TIMELESS: variants seen among roughly 807,000 people sequenced by gnomAD.
The protein encoded by TIMELESS is timeless circadian regulator, also known as protein timeless homolog.
A neutral mutation model predicts 164.3 loss-of-function variants in TIMELESS; 124 were observed. The ratio of observed to expected loss-of-function variants is 0.75; its 90% CI spans 0.65 to 0.88. The LOEUF (loss-of-function observed/expected upper bound fraction) is 0.88, where lower values mean the gene tolerates loss of function less well. TIMELESS is among the 40% of genes least tolerant of loss of function. The pLI, the probability that TIMELESS is intolerant of heterozygous loss-of-function variation, is 0.00. For synonymous variants in TIMELESS, 564 were observed against 563.4 expected (o/e 1.00, Z -0.02); for missense variants, 1,422 against 1,491.4 (o/e 0.95, Z 0.77).
rs372802757 is a variant in TIMELESS at position 56,433,852 on chromosome 12, C to T, written c.172G>A (p.Ala58Thr). 26 of 1,614,026 alleles carry T rather than the reference C, an allele frequency of 1.6e-5. No individual in the cohort carries two copies. The highest frequency in any genetic ancestry group is 2.1e-5 in the Non-Finnish European group (25 of 1,180,042). The stretch of plus-strand genomic sequence containing the variant: ...AGAAGGTCGCTCTGTAGGATCTGGG[C>T]TGCCCCCAGCTGCTGCCGCACATCT... The part of the protein sequence containing the change: ...TRDVRQQLGA[A>T]QILQSDLLPI... Residue 58 changes from alanine to threonine, a missense_variant, in exon 3 of 29, where the codon GCC becomes ACC. Coordinates refer to ENST00000553532, the MANE Select transcript of TIMELESS (RefSeq NM_003920.5).
intron 26 of TIMELESS, 103 bp downstream of exon 26, chr12:56,420,466 C>T (rs1313182623): frequency 8.8e-6 from 7 of 795,726 alleles, no homozygotes; most frequent in South Asian, 3.3e-5. Context: ...ACCAAGATGA[C>T]GATAAGGATA....
intron 1 of TIMELESS, among the ~76,000 whole-genome samples, chr12:56,448,377 G>A (rs1439407279): frequency 7.0e-6 from 1 of 142,828 alleles, no homozygotes; most frequent in Non-Finnish European, 1.5e-5. Flanking sequence ...CTGCACTCCA[G>A]CCTGGGCGAC....
intron 10 of TIMELESS, among the ~76,000 whole-genome samples, chr12:56,429,533 A>G (rs774029): frequency 0.96 from 125,234 of 130,550 alleles, 60,115 homozygotes; most frequent in African/African-American, 0.99. Context: ...ACAGTCTTGC[A>G]CTGTCATGAT....
rs1881757306 is a variant in TIMELESS at position 56,428,604 on chromosome 12, AT to A, written c.1352del (p.Asn451MetfsTer11). 1 of 1,614,136 alleles carries A rather than the reference AT, an allele frequency of 6.2e-7. No individual in the cohort carries two copies. ...KAYQELLATV[N>X]EMDISPDEAV... ...CCTCATCTGGAGATATGTCCATCTC[AT>A]TCACTGTTGCCAGCAGCTCCTGATA... On this transcript the variant is annotated frameshift_variant, in exon 12 of 29. Transcript: ENST00000553532. LOFTEE classifies it high-confidence loss of function.
intron 13 of TIMELESS, 58 bp from the exon 14 acceptor site, chr12:56,425,210 AGT>A (rs1394304813): frequency 6.5e-7 from 1 of 1,531,614 alleles, no homozygotes; most frequent in African/African-American, 1.4e-5. Flanking sequence ...TTTCCCCATC[AGT>A]GTCTTTTCTA....
At chr12:56,434,325 C>A in intron 1 of TIMELESS, 94 bp from the exon 2 acceptor site, 1 of 636,892 alleles carries the variant, frequency 1.6e-6, no homozygotes, top group Non-Finnish European at 2.7e-6. Context: ...ATATTCTGAA[C>A]AAGATCCTCA....
In TIMELESS at chr12:56,422,987, TA is replaced by T; in HGVS notation, c.2297del (p.Leu766GlnfsTer2). 6.2e-7 allele frequency: 1 copy of T among 1,613,402 alleles called. No homozygotes were observed. The highest frequency in any genetic ancestry group is 8.5e-7 in the Non-Finnish European group (1 of 1,179,708). ...SDPAAGAYKELVTFAKYILGK... is the reference protein window; with the variant it reads ...SDPAAGAYKEXVTFAKYILGK... ...CCAGGATGTATTTGGCAAAAGTCAC[TA>T]GCTCCTGTAGGAGAAGGAGGTTACT... is the stretch of plus-strand genomic sequence containing the variant. On this transcript the variant is annotated frameshift_variant, in exon 19 of 29. Coordinates refer to ENST00000553532, the MANE Select transcript of TIMELESS (RefSeq NM_003920.5). LOFTEE classifies it high-confidence loss of function.
chr12:56,422,275 A>C, intron 19 of TIMELESS, 84 bp from the exon 20 acceptor site: 1 of 1,260,520 alleles, frequency 7.9e-7, no homozygotes, highest in South Asian at 1.2e-5. Context: ...CAGTTCTGAA[A>C]AGAACAGGAA....
Position 56,417,466 on chromosome 12 carries a change from TAGA to T in TIMELESS, c.*247_*249del, listed in dbSNP as rs1435135665. 3 of 467,414 alleles carry T rather than the reference TAGA, an allele frequency of 6.4e-6. No individual in the cohort carries two copies. In the East Asian group the frequency reaches 1.1e-4, roughly 17 times the overall value. 29.0% of individuals were successfully genotyped at this position (467,414 alleles called of 1,614,324 possible). ...TCCAATAACCAAAAGAAATGGTTCC[TAGA>T]AGAAGAGAACTAAATCTCCAGAGAG... is the stretch of plus-strand genomic sequence containing the variant. On this transcript the variant is annotated 3_prime_UTR_variant, in exon 29 of 29. Coordinates refer to ENST00000553532, the MANE Select transcript of TIMELESS (RefSeq NM_003920.5).
chr12:56,422,826 C>T, intron 19 of TIMELESS, 21 bp downstream of exon 19: 2 of 1,577,452 alleles, frequency 1.3e-6, no homozygotes, highest in Non-Finnish European at 1.7e-6. Context: ...CCCACCCACC[C>T]TTTGCCAACT....
rs149762223 is a variant in TIMELESS, at chr12:56,427,251, T to C, written c.1578+985A>G. ...AATTCTCGTGCCTCAGCTTCCCAAA[T>C]AGCTGGGACTACAGGTGCGTGCCAT... On this transcript the variant is annotated intron_variant, in intron 13 of 28. Coordinates refer to ENST00000553532, the MANE Select transcript of TIMELESS (RefSeq NM_003920.5). Among the ~76,000 whole-genome samples the C allele has an allele frequency of 3.0e-3, 455 of 152,188 alleles. 3 individuals carry two copies. The highest frequency in any genetic ancestry group is 0.01 in the African/African-American group (429 of 41,520).
At chr12:56,428,466 T>C (rs1403463382) in intron 12 of TIMELESS, 61 bp from the exon 13 acceptor site, 12 of 1,606,700 alleles carry the variant, frequency 7.5e-6, no homozygotes, top group East Asian at 2.2e-5. Flanking sequence ...AAAGGAGAGA[T>C]GGATGAAGCT....
In TIMELESS at chr12:56,420,996, T is replaced by C. The variant is rs139155922; in HGVS notation, c.3007A>G (p.Asn1003Asp). 121 of 1,614,066 alleles carry C rather than the reference T, an allele frequency of 7.5e-5. No homozygotes were observed. Among genetic ancestry groups the C allele is most frequent in the Non-Finnish European group, 9.0e-5 (106 of 1,180,046 alleles). Residue 1003 changes from asparagine to aspartate, a missense_variant, in exon 24 of 29, where the codon AAT (asparagine) becomes GAT (aspartate). Transcript: ENST00000553532. The part of the protein sequence containing the change: ...EQVQGSLVLS[N>D]ENLGQSLHQE... The stretch of plus-strand genomic sequence containing the variant: ...TGCAGGCTTTGACCAAGGTTTTCAT[T>C]TGAAAGGACTAAGCTACCCTGGACT...
rs550004313 is a variant in TIMELESS, at chr12:56,420,825, G to C, written c.3097C>G (p.Arg1033Gly). ...QNCLIRAADD[R>G]EEDGCSQAVP... ...CCTGTCCACTCACCATCCTCTTCCC[G>C]ATCATCAGCTGCTCGGATCAGGCAG... Residue 1033 changes from arginine to glycine, a missense_variant, in exon 25 of 29, where the codon CGG becomes GGG. Arg to Gly is a moderately radical substitution (Grantham distance 125). Transcript: ENST00000553532. 2 of 1,613,986 alleles carry C rather than the reference G, an allele frequency of 1.2e-6. No homozygotes were observed. Among genetic ancestry groups the C allele is most frequent in the African/African-American group, 1.3e-5 (1 of 74,888 alleles).
Position 56,423,381 on chromosome 12 carries a change from G to A in TIMELESS, c.2185C>T (p.Leu729=), listed in dbSNP as rs552833342. 3.7e-6 allele frequency: 6 copies of A among 1,614,142 alleles called. No individual in the cohort carries two copies. In the African/African-American group the frequency reaches 8.0e-5, roughly 22 times the overall value. The change falls in exon 18 of 29, where the codon CTG becomes TTG. Residue 729 remains leucine (L), a synonymous_variant. Coordinates refer to ENST00000553532, the MANE Select transcript of TIMELESS (RefSeq NM_003920.5). ...TTGAGGTCATGGGCCAGCCGGTGCA[G>A]CATCTTCACAATGCAATGGTTAGTG... ...AHTNHCIVKM[L]HRLAHDLKME...
chr12:56,429,221 C>T (rs1268951789), intron 10 of TIMELESS, 121 bp from the exon 11 acceptor site: 7 of 819,680 alleles, frequency 8.5e-6, no homozygotes, highest in East Asian at 5.4e-5. Context: ...TTTTTTGAGG[C>T]GGAGTCTCAC....
intron 13 of TIMELESS, among the ~76,000 whole-genome samples, chr12:56,425,799 C>T (rs987183438): frequency 2.6e-5 from 4 of 151,980 alleles, no homozygotes; most frequent in African/African-American, 9.7e-5. Flanking sequence ...CGCTTGGGCA[C>T]GGGAAGGAGA....
chr12:56,447,136 A>G (rs1196628060), intron 1 of TIMELESS, among the ~76,000 whole-genome samples: 1 of 147,512 alleles, frequency 6.8e-6, no homozygotes, highest in East Asian at 2.0e-4. Flanking sequence ...CAGCCTCCCA[A>G]GTAGCTGGGA....
intron 26 of TIMELESS, among the ~76,000 whole-genome samples, chr12:56,420,080 A>G (rs371142514): frequency 1.3e-3 from 180 of 140,540 alleles, no homozygotes; most frequent in Middle Eastern, 3.7e-3. Context: ...GTATATATAT[A>G]TATATAAATA....
Sources: allele counts gnomAD v4.1 joint callset (sites outside exome capture counted in the v4.1 genomes callset), GRCh38; gene constraint gnomAD v4.1.1; transcripts MANE v1.5; gene names NCBI Gene and HGNC (gene_info 2026-07-23, HGNC 2026-07-21).